Variants in ATP9A observed in about 807,000 individuals in gnomAD.
ATP9A encodes ATPase phospholipid transporting 9A.
In ATP9A, 52 loss-of-function variants were observed where a neutral mutation model predicts 144.1. The ratio of observed to expected loss-of-function variants is 0.36; its 90% confidence interval spans 0.29 to 0.45. The LOEUF (loss-of-function observed/expected upper bound fraction) is 0.45. ATP9A is among the 20% of genes least tolerant of loss of function. ATP9A has a pLI of 1.00. For synonymous variants in ATP9A, 582 were observed against 557.4 expected, an observed-to-expected ratio of 1.04 and a Z score of -0.62; for missense variants, 947 against 1,392.7, an observed-to-expected ratio of 0.68 and a Z score of 5.09.
intron 9 of ATP9A, among the ~76,000 whole-genome samples, chr20:51,687,859 CTA>C (rs538623598): frequency 1.1e-3 from 170 of 151,892 alleles, no homozygotes; most frequent in African/African-American, 3.9e-3. Context: ...GTGGAGAATA[CTA>C]TGTTTGAAGA....
intron 15 of ATP9A, among the ~76,000 whole-genome samples, chr20:51,634,245 A>G (rs1345152120): frequency 6.6e-6 from 1 of 152,250 alleles, no homozygotes; most frequent in African/African-American, 2.4e-5. Context: ...AAATGACCCT[A>G]GCAGAGCCCA....
intron 7 of ATP9A, among the ~76,000 whole-genome samples, chr20:51,692,578 G>A (rs2077553092): frequency 1.3e-5 from 2 of 152,286 alleles, no homozygotes; most frequent in South Asian, 4.1e-4. Flanking sequence ...GAGGTGGGTG[G>A]ATCAATTGAG....
intron 27 of ATP9A, among the ~76,000 whole-genome samples, chr20:51,603,630 T>C (rs6063676): frequency 9.2e-4 from 140 of 152,038 alleles, no homozygotes; most frequent in Non-Finnish European, 1.8e-3. Flanking sequence ...GAAACCAGGC[T>C]TGTCCATCTA....
chr20:51,697,460 A>G lies in ATP9A; in HGVS notation c.459T>C (p.Ser153=), dbSNP rs751370156. ...TARGTVKVKS[S]NIQVGDLIIV... ...TGATAAGGTCTCCAACTTGGATGTT[A>G]GAACTCTTCACCTTCACTGTGCCTG... is the stretch of plus-strand genomic sequence containing the variant. Residue 153 remains serine (S), a synonymous_variant, in exon 5 of 28, where the codon TCT becomes TCC. Transcript: ENST00000338821. 3 of 1,613,690 alleles carry G rather than the reference A, an allele frequency of 1.9e-6. No individual in the cohort carries two copies. Among genetic ancestry groups the G allele is most frequent in the East Asian group, 2.2e-5 (1 of 44,884 alleles).
At chr20:51,749,031 C>T (rs1236358357) in intron 1 of ATP9A, among the ~76,000 whole-genome samples, 1 of 152,094 alleles carries the variant, frequency 6.6e-6, no homozygotes, top group East Asian at 1.9e-4. Flanking sequence ...AAACAAACTA[C>T]AGTACTATTC....
intron 16 of ATP9A, among the ~76,000 whole-genome samples, chr20:51,628,510 T>A (rs144134977): frequency 2.6e-5 from 4 of 152,208 alleles, no homozygotes; most frequent in Admixed American, 2.6e-4. Flanking sequence ...CCCTCTCCTG[T>A]TCCATCACCT....
intron 2 of ATP9A, among the ~76,000 whole-genome samples, chr20:51,726,865 C>T (rs2077715847): frequency 6.7e-6 from 1 of 150,218 alleles, no homozygotes; most frequent in Admixed American, 6.6e-5. Context: ...AGACCTAAGC[C>T]ACTGCGTCCA....
intron 19 of ATP9A, among the ~76,000 whole-genome samples, chr20:51,620,434 G>A (rs36083383): frequency 0.13 from 19,856 of 152,084 alleles, 1,389 homozygotes; most frequent in Admixed American, 0.18. Flanking sequence ...ACAGGGTTAG[G>A]TTTTTGCCCC....
intron 14 of ATP9A, among the ~76,000 whole-genome samples, chr20:51,655,862 C>CA (rs747607464): frequency 0.02 from 2,665 of 130,124 alleles, 37 homozygotes; most frequent in Non-Finnish European, 0.031. Context: ...TCTATATAGA[C>CA]AAAAAAAAAA....
chr20:51,613,169 C>T (rs1446162408), intron 23 of ATP9A, among the ~76,000 whole-genome samples: 1 of 152,202 alleles, frequency 6.6e-6, no homozygotes, highest in African/African-American at 2.4e-5. Context: ...GCCTAAGGTA[C>T]AGGAGGCACA....
chr20:51,718,570 C>G (rs2077672938), intron 3 of ATP9A, among the ~76,000 whole-genome samples: 2 of 151,998 alleles, frequency 1.3e-5, no homozygotes, highest in South Asian at 4.2e-4. Context: ...GTAATCCCAG[C>G]ACTTTGGGAG....
At chr20:51,753,554 C>T (rs2077842421) in intron 1 of ATP9A, among the ~76,000 whole-genome samples, 1 of 152,100 alleles carries the variant, frequency 6.6e-6, no homozygotes, top group African/African-American at 2.4e-5. Flanking sequence ...AGGAAGAAAA[C>T]ATCATCTGCT....
At position 51,713,003 on chromosome 20, in the gene ATP9A, T is replaced by C. The variant is rs2077646531; in HGVS notation, c.399A>G (p.Glu133=). 6.2e-7 allele frequency: 1 copy of C among 1,613,004 alleles called. No homozygotes were observed. Among genetic ancestry groups the C allele is most frequent in the African/African-American group, 1.3e-5 (1 of 74,908 alleles). ...GCCGGCTGTAGACCTGGGAGTTGAC[T>C]TCCTTGTCCCGCACGTAGCATCGGA... ...EEIRCYVRDK[E]VNSQVYSRLT... Residue 133 remains glutamate (E), a synonymous_variant, in exon 4 of 28, where the codon GAA becomes GAG. Transcript: ENST00000338821.
intron 14 of ATP9A, among the ~76,000 whole-genome samples, chr20:51,651,685 T>C (rs1046343013): frequency 6.6e-6 from 1 of 152,058 alleles, no homozygotes; most frequent in Non-Finnish European, 1.5e-5. Context: ...TCCTAGCACT[T>C]TGGGAGGCTG....
At chr20:51,706,701 G>C (rs561571413) in intron 4 of ATP9A, among the ~76,000 whole-genome samples, 1 of 152,320 alleles carries the variant, frequency 6.6e-6, no homozygotes, top group Non-Finnish European at 1.5e-5. Flanking sequence ...AGTGAACTGT[G>C]ACTGTGCCAC....
intron 1 of ATP9A, among the ~76,000 whole-genome samples, chr20:51,740,221 A>T (rs2077778989): frequency 6.6e-6 from 1 of 151,194 alleles, no homozygotes; most frequent in African/African-American, 2.4e-5. Context: ...CACACCTGGC[A>T]TATTTTATAA....
intron 3 of ATP9A, among the ~76,000 whole-genome samples, chr20:51,714,657 C>A (rs1198047818): frequency 6.6e-6 from 1 of 152,150 alleles, no homozygotes; most frequent in Non-Finnish European, 1.5e-5. Flanking sequence ...CGTGAGCCAC[C>A]ACGCCCAGCA....
chr20:51,597,899 G>A lies in ATP9A; in HGVS notation c.*3312C>T, dbSNP rs1601045061. On this transcript the variant is annotated 3_prime_UTR_variant, in exon 28 of 28. Coordinates refer to ENST00000338821, the MANE Select transcript of ATP9A (RefSeq NM_006045.3). ...AAGATTTACTGTCACAAAAAAAAAA[G>A]GGTTTCACTTCAGGGGAGTGGAACT... is the stretch of plus-strand genomic sequence containing the variant. 6.8e-6 allele frequency: 1 copy of A among 146,784 alleles called. No homozygotes were observed. The highest frequency in any genetic ancestry group is 1.9e-4 in the East Asian group (1 of 5,162). 9.1% of individuals were successfully genotyped at this position (146,784 alleles called of 1,614,324 possible). A position where few individuals can be genotyped will look rare whatever the true frequency, so the allele number is the denominator to read the frequency against.
At chr20:51,714,936 C>T (rs2077655752) in intron 3 of ATP9A, among the ~76,000 whole-genome samples, 2 of 152,230 alleles carry the variant, frequency 1.3e-5, no homozygotes, top group South Asian at 4.1e-4. Context: ...GCAGAATCTA[C>T]TTCCAATCTA....
Sources: allele counts gnomAD v4.1 joint callset (sites outside exome capture counted in the v4.1 genomes callset), GRCh38; gene constraint gnomAD v4.1.1; transcripts MANE v1.5; gene names NCBI Gene and HGNC (gene_info 2026-07-23, HGNC 2026-07-21).